Variants in PASD1 observed in about 807,000 individuals in gnomAD.
PASD1 encodes PAS domain containing repressor 1, also known as circadian clock protein PASD1.
In PASD1, 13 loss-of-function variants were observed where a neutral mutation model predicts 58.8. That is an observed-to-expected ratio of 0.22 (90% CI 0.14 to 0.35). The LOEUF is 0.35. Among genes scored for constraint, PASD1 ranks in the 10% least tolerant of loss-of-function variants. PASD1 has a pLI of 1.00. For missense variants in PASD1, 734 were observed against 568.3 expected, an observed-to-expected ratio of 1.29 and a Z score of -2.96; for synonymous variants, 236 against 216.7, an observed-to-expected ratio of 1.09 and a Z score of -0.78.
intron 8 of PASD1, among the ~76,000 whole-genome samples, chrX:151,631,835 T>C (rs956182316): frequency 8.9e-6 from 1 of 112,165 alleles, no homozygotes; most frequent in Non-Finnish European, 1.9e-5. Flanking sequence ...CTATACCGTA[T>C]TGACTCCATT....
chrX:151,673,721 G>A (rs2014507182), intron 14 of PASD1: 1 of 451,221 alleles, frequency 2.2e-6, no homozygotes, highest in African/African-American at 2.5e-5. Context: ...GTGAGACAAG[G>A]GATTGTAATT....
intron 2 of PASD1, among the ~76,000 whole-genome samples, chrX:151,601,918 A>G (rs1486535409): frequency 8.9e-6 from 1 of 112,401 alleles, no homozygotes; most frequent in East Asian, 2.8e-4. Context: ...GCTTGCCTAC[A>G]GCTTAAATTC....
rs142868773 is a variant in PASD1, at chrX:151,566,910, C to T, written c.-28+3071C>T. On this transcript the variant is annotated intron_variant, in intron 1 of 15. Transcript: ENST00000370357. Reference sequence around the variant, plus strand: ...GGAAAAACCCCGTCTCTACTAAGCCCGGTGCGTGCCTGTAATCCCAGCTAC... The same window carrying T: ...GGAAAAACCCCGTCTCTACTAAGCCTGGTGCGTGCCTGTAATCCCAGCTAC... Among the ~76,000 whole-genome samples, 172 of 108,809 alleles carry T rather than the reference C, an allele frequency of 1.6e-3. 2 individuals are homozygous for T. Among genetic ancestry groups the T allele is most frequent in the African/African-American group, 5.5e-3 (165 of 30,023 alleles). 94.5% of individuals were successfully genotyped at this position (108,809 alleles called of 115,157 possible). A position where few individuals can be genotyped will look rare whatever the true frequency, so the allele number is the denominator to read the frequency against.
chrX:151,624,113 A>G (rs1185827259), intron 7 of PASD1, among the ~76,000 whole-genome samples: 3 of 111,827 alleles, frequency 2.7e-5, no homozygotes, highest in African/African-American at 9.8e-5. Flanking sequence ...AAGCAAGAAT[A>G]CCTAAGTGAA....
intron 4 of PASD1, among the ~76,000 whole-genome samples, chrX:151,614,384 A>G (rs1159345642): frequency 2.7e-5 from 3 of 111,379 alleles, no homozygotes; most frequent in South Asian, 7.7e-4. Context: ...TTACTTCAAT[A>G]TATAAATTTT....
chrX:151,618,642 A>G (rs2013667927), intron 4 of PASD1, among the ~76,000 whole-genome samples: 1 of 112,300 alleles, frequency 8.9e-6, no homozygotes, highest in Admixed American at 9.5e-5. Flanking sequence ...AAAAAAGGCA[A>G]TAAGAGAATG....
chrX:151,565,850 G>A (rs1312624311), intron 1 of PASD1, among the ~76,000 whole-genome samples: 1 of 111,850 alleles, frequency 8.9e-6, no homozygotes, highest in Non-Finnish European at 1.9e-5. Context: ...GAGCCACCGC[G>A]CCCAGCCAGA....
At chrX:151,621,668 T>A in intron 6 of PASD1, 76 bp downstream of exon 6, 1 of 669,871 alleles carries the variant, frequency 1.5e-6, no homozygotes, top group Middle Eastern at 3.4e-4. Context: ...TAAATGCTCT[T>A]CTGCTTGGTA....
At chrX:151,649,880 T>G (rs1479124647) in intron 9 of PASD1, among the ~76,000 whole-genome samples, 1 of 112,025 alleles carries the variant, frequency 8.9e-6, no homozygotes, top group African/African-American at 3.2e-5. Context: ...TTTTCAGTAT[T>G]TAAGTTCTTC....
At position 151,567,195 on chromosome X, in the gene PASD1, T is replaced by G. The variant is rs1230727989; in HGVS notation, c.-28+3356T>G. Among the ~76,000 whole-genome samples, 3 of 111,462 alleles carry G rather than the reference T, an allele frequency of 2.7e-5. No homozygotes were observed. The East Asian group carries it at 8.3e-4, about 31-fold the overall frequency. ...ATACGTACCACACCTGATTTAGAGG[T>G]GGACTCATCAGGATTTGCTGGACTG... On this transcript the variant is annotated intron_variant, in intron 1 of 15. Transcript: ENST00000370357.
At position 151,672,425 on chromosome X, in the gene PASD1, G is replaced by A. The variant is rs750101064; in HGVS notation, c.1680G>A (p.Glu560=). 37 of 1,210,082 alleles carry A rather than the reference G, an allele frequency of 3.1e-5. No homozygotes were observed. Among genetic ancestry groups the A allele is most frequent in the Non-Finnish European group, 4.0e-5 (36 of 895,220 alleles). The change falls in exon 14 of 16, where the codon GAG becomes GAA. Residue 560 remains glutamate (E), a synonymous_variant. Coordinates refer to ENST00000370357, the MANE Select transcript of PASD1 (RefSeq NM_173493.3). ...QGQMLQKEPE[E]EQQKQQLQEQ... is the part of the protein sequence containing the mutation. ...AGATGCTACAGAAAGAGCCAGAGGAGGAGCAGCAGAAGCAGCAGCTGCAAG... is the reference window on the plus strand; with the variant it reads ...AGATGCTACAGAAAGAGCCAGAGGAAGAGCAGCAGAAGCAGCAGCTGCAAG...
At chrX:151,630,680 C>T (rs1338317172) in intron 8 of PASD1, among the ~76,000 whole-genome samples, 2 of 112,429 alleles carry the variant, frequency 1.8e-5, no homozygotes, top group Non-Finnish European at 3.8e-5. Context: ...CCCACAGCTC[C>T]CAAAATGTTT....
intron 4 of PASD1, among the ~76,000 whole-genome samples, chrX:151,613,141 T>C (rs1488582627): frequency 3.6e-5 from 4 of 111,521 alleles, no homozygotes; most frequent in Non-Finnish European, 7.5e-5. Context: ...TACGTGGCAT[T>C]ATTTCTGAGG....
In PASD1 at chrX:151,672,166, G is replaced by T. The variant is rs937307874; in HGVS notation, c.1438-17G>T. 8.8e-7 allele frequency: 1 copy of T among 1,139,334 alleles called. No individual in the cohort carries two copies. The highest frequency in any genetic ancestry group is 1.8e-5 in the African/African-American group (1 of 54,056). 93.9% of individuals were successfully genotyped at this position (1,139,334 alleles called of 1,213,427 possible). On this transcript the variant is annotated splice_polypyrimidine_tract_variant and intron_variant, in intron 13 of 15. Transcript: ENST00000370357. The stretch of plus-strand genomic sequence containing the variant: ...TGCAGACACCAGGGTGCTTTTATCT[G>T]TTGCCTTTCGATGCAGCAGCAACTG...
intron 1 of PASD1, among the ~76,000 whole-genome samples, chrX:151,597,540 ATGTTTCT>A (rs1455372637): frequency 1.8e-5 from 2 of 111,157 alleles, no homozygotes; most frequent in African/African-American, 6.5e-5. Flanking sequence ...GTCCTCTCCC[ATGTTTCT>A]TGATTAATCT....
chrX:151,600,314 AGAGGGG>A (rs1216723119), intron 1 of PASD1, among the ~76,000 whole-genome samples: 1 of 102,861 alleles, frequency 9.7e-6, no homozygotes, highest in Non-Finnish European at 2.0e-5. Context: ...CGGGAGCGAG[AGAGGGG>A]GAGGGGGAGG....
intron 1 of PASD1, among the ~76,000 whole-genome samples, chrX:151,593,604 A>C (rs929850489): frequency 9.0e-6 from 1 of 111,486 alleles, no homozygotes; most frequent in Non-Finnish European, 1.9e-5. Context: ...ATACTATTCC[A>C]TGGCGTATAT....
At chrX:151,663,199 C>G (rs963065146) in intron 10 of PASD1, among the ~76,000 whole-genome samples, 2 of 112,023 alleles carry the variant, frequency 1.8e-5, no homozygotes, top group Non-Finnish European at 3.8e-5. Flanking sequence ...TGTGCTCCCT[C>G]TTTGTACTCA....
At chrX:151,618,475 C>T (rs745937190) in intron 4 of PASD1, among the ~76,000 whole-genome samples, 1 of 111,994 alleles carries the variant, frequency 8.9e-6, no homozygotes, top group East Asian at 2.8e-4. Flanking sequence ...CTACATGATA[C>T]GGTATTATTC....
Sources: gnomAD v4.1 joint callset for allele counts (sites outside exome capture counted in the v4.1 genomes callset) on GRCh38, gnomAD v4.1.1 for gene constraint, MANE v1.5 for transcripts, NCBI Gene and HGNC (gene_info 2026-07-23, HGNC 2026-07-21) for gene names.